The following OR6F1 variants were observed in gnomAD, a reference collection of about 807,000 sequenced individuals.
OR6F1 encodes the protein olfactory receptor family 6 subfamily F member 1, also known as olfactory receptor 6F1.
For missense variants in OR6F1, 346 were observed against 376.0 expected (o/e 0.92, Z 0.66); for synonymous variants, 144 against 150.0 (o/e 0.96, Z 0.29).
chr1:247,712,776 A>C lies in OR6F1; in HGVS notation c.-21T>G, dbSNP rs754691674. ...TCCATTGTGGTACTGAAACCAGAAA[A>C]CAGAGTCCCCGCACTGAGCCCTTTA... On this transcript the variant is annotated 5_prime_UTR_variant, in exon 3 of 3. Transcript: ENST00000641470. The C allele has an allele frequency of 3.3e-6, 5 of 1,498,122 alleles. No individual in the cohort carries two copies. In the Admixed American group the frequency reaches 8.5e-5, roughly 25 times the overall value. The allele number at this position is 1,498,122 out of a possible 1,614,324, so 92.8% of individuals were successfully genotyped here.
chr1:247,713,253 C>A (rs144652160), intron 2 of OR6F1, among the ~76,000 whole-genome samples: 2 of 151,960 alleles, frequency 1.3e-5, no homozygotes, highest in African/African-American at 2.4e-5. Context: ...TAGTCACATA[C>A]GTATTTAGCA....
chr1:247,712,682 A>G lies in OR6F1; in HGVS notation c.74T>C (p.Leu25Pro). The G allele has an allele frequency of 6.2e-7, 1 of 1,612,680 alleles. No individual in the cohort carries two copies. The highest frequency in any genetic ancestry group is 8.5e-7 in the Non-Finnish European group (1 of 1,179,816). Residue 25 changes from leucine (L) to proline (P), a missense_variant, in exon 3 of 3, where the codon CTC becomes CCC. By Grantham distance (98) the Leu-to-Pro change is moderately conservative. Coordinates refer to ENST00000641470, the MANE Select transcript of OR6F1 (RefSeq NM_001005286.2). ...LGFPGSQTLQ[L>P]SLFMLFLVMY... ...CACCAGAAAAAGCATAAAGAGAGAG[A>G]GCTGAAGAGTTTGAGAACCAGGAAA...
Position 247,716,420 on chromosome 1 carries a change from T to C in OR6F1, c.-216A>G, listed in dbSNP as rs566174422. 1 of 152,344 alleles carries C rather than the reference T, an allele frequency of 6.6e-6. No homozygotes were observed. The highest frequency in any genetic ancestry group is 2.1e-4 in the South Asian group (1 of 4,828). 9.4% of individuals were successfully genotyped at this position (152,344 alleles called of 1,614,324 possible). A position where few individuals can be genotyped will look rare whatever the true frequency, so the allele number is the denominator to read the frequency against. On this transcript the variant is annotated 5_prime_UTR_variant, in exon 1 of 3. Coordinates refer to ENST00000641470, the MANE Select transcript of OR6F1 (RefSeq NM_001005286.2). ...TTTTTATTCCATGATTTTCTTTATT[T>C]AAAAATAATATATTTTGATTGCAAT... is the stretch of plus-strand genomic sequence containing the variant.
At chr1:247,716,174 A>T (rs1239557718) in intron 1 of OR6F1, among the ~76,000 whole-genome samples, 157 bp downstream of exon 1, 1 of 151,962 alleles carries the variant, frequency 6.6e-6, no homozygotes, top group Non-Finnish European at 1.5e-5. Flanking sequence ...AATCATCTGA[A>T]CCCAGGAGGC....
At chr1:247,714,825 A>G (rs901919066) in intron 1 of OR6F1, among the ~76,000 whole-genome samples, 1 of 152,222 alleles carries the variant, frequency 6.6e-6, no homozygotes, top group African/African-American at 2.4e-5. Context: ...CTTAAAGCTA[A>G]TATATTCCAA....
intron 1 of OR6F1, among the ~76,000 whole-genome samples, chr1:247,715,079 A>T (rs1660082661): frequency 6.6e-6 from 1 of 152,234 alleles, no homozygotes; most frequent in Admixed American, 6.5e-5. Flanking sequence ...TTGTTTCACA[A>T]ATGAGAAAAC....
At position 247,711,966 on chromosome 1, in the gene OR6F1, T is replaced by C; in HGVS notation, c.790A>G (p.Ile264Val). 6.2e-7 allele frequency: 1 copy of C among 1,614,100 alleles called. No individual in the cohort carries two copies. Among genetic ancestry groups the C allele is most frequent in the Non-Finnish European group, 8.5e-7 (1 of 1,179,952 alleles). ...TTGATCAGATCCAAGGCATCTTTGA[T>C]AGAGGTGCGGACGTGAAGGAAAACT... ...STVFLHVRTS[I>V]KDALDLIKAV... is the part of the protein sequence containing the mutation. Residue 264 changes from isoleucine (I) to valine (V), a missense_variant, in exon 3 of 3, where the codon ATC becomes GTC. By Grantham distance (29) the Ile-to-Val change is conservative. Transcript: ENST00000641470.
rs1202513426 is a variant in OR6F1, at chr1:247,711,968, G to C, written c.788C>G (p.Ser263Cys). The change falls in exon 3 of 3, where the codon TCT becomes TGT. Residue 263 changes from serine to cysteine, a missense_variant. Ser to Cys is a moderately radical substitution (Grantham distance 112). Transcript: ENST00000641470. ...GATCAGATCCAAGGCATCTTTGATA[G>C]AGGTGCGGACGTGAAGGAAAACTGT... is the stretch of plus-strand genomic sequence containing the variant. Reference protein sequence around the residue: ...GSTVFLHVRTSIKDALDLIKA... With the variant: ...GSTVFLHVRTCIKDALDLIKA... 1.9e-6 allele frequency: 3 copies of C among 1,614,126 alleles called. No individual in the cohort carries two copies. The South Asian group carries it at 3.3e-5, about 18-fold the overall frequency.
chr1:247,715,506 C>T (rs561247805), intron 1 of OR6F1, among the ~76,000 whole-genome samples: 77 of 152,270 alleles, frequency 5.1e-4, no homozygotes, highest in African/African-American at 1.8e-3. Context: ...CTAATATTTA[C>T]GTGAAGCACA....
chr1:247,712,720 A>G lies in OR6F1; in HGVS notation c.36T>C (p.Phe12=). Residue 12 remains phenylalanine, a synonymous_variant, in exon 3 of 3, where the codon TTT becomes TTC. Coordinates refer to ENST00000641470, the MANE Select transcript of OR6F1 (RefSeq NM_001005286.2). ...GAGAACCAGGAAAGCCCAGTAAGAGAAAGTCCTGGGGCAGAGTTTTGTTGC... is the reference window on the plus strand; with the variant it reads ...GAGAACCAGGAAAGCCCAGTAAGAGGAAGTCCTGGGGCAGAGTTTTGTTGC... ...DTGNKTLPQD[F]LLLGFPGSQT... is the part of the protein sequence containing the mutation. The G allele has an allele frequency of 6.2e-7, 1 of 1,606,880 alleles. No individual in the cohort carries two copies.
rs759094045 is a variant in OR6F1, at chr1:247,712,241, CG to C, written c.514del (p.Arg172ValfsTer24). The C allele has an allele frequency of 1.2e-6, 2 of 1,614,042 alleles. No individual in the cohort carries two copies. The highest frequency in any genetic ancestry group is 1.7e-6 in the Non-Finnish European group (2 of 1,180,034). ...LISGLSFCGP[R>X]AINHFFCDIA... ...GTCACAGAAGAAGTGGTTGATGGCA[CG>C]GGGGCCACAGAAGGACAGGCCACTG... is the stretch of plus-strand genomic sequence containing the variant. On this transcript the variant is annotated frameshift_variant, in exon 3 of 3. Coordinates refer to ENST00000641470, the MANE Select transcript of OR6F1 (RefSeq NM_001005286.2). LOFTEE classifies it low-confidence loss of function (END_TRUNC).
At position 247,712,642 on chromosome 1, in the gene OR6F1, T is replaced by C. The variant is rs1189463190; in HGVS notation, c.114A>G (p.Thr38=). The C allele has an allele frequency of 6.2e-7, 1 of 1,613,358 alleles. No homozygotes were observed. Among genetic ancestry groups the C allele is most frequent in the East Asian group, 2.2e-5 (1 of 44,864 alleles). The change falls in exon 3 of 3, where the codon ACA becomes ACG. Residue 38 remains threonine (T), a synonymous_variant. Transcript: ENST00000641470. The part of the protein sequence containing the change: ...FMLFLVMYIL[T]VSGNVAILML... ...TCAAGATAGCCACATTACCACTAAC[T>C]GTGAGGATGTACATCACCAGAAAAA...
intron 2 of OR6F1, 43 bp downstream of exon 2, chr1:247,713,848 T>C (rs1022412871): frequency 1.5e-5 from 6 of 398,386 alleles, no homozygotes; most frequent in South Asian, 1.3e-4. Context: ...ATTTAGACTA[T>C]AAAATGGGTC....
chr1:247,715,773 T>C (rs1660094667), intron 1 of OR6F1, among the ~76,000 whole-genome samples: 2 of 152,222 alleles, frequency 1.3e-5, no homozygotes, highest in Non-Finnish European at 2.9e-5. Context: ...TGAGTATAAG[T>C]AATTTTAATT....
In OR6F1 at chr1:247,711,544, A is replaced by C. The variant is rs2103187767; in HGVS notation, c.*285T>G. ...CAAGAATTTAGAGCTGATATACCAAAGCACTCTTTTTATTGCAGATGTCTC... is the reference window on the plus strand; with the variant it reads ...CAAGAATTTAGAGCTGATATACCAACGCACTCTTTTTATTGCAGATGTCTC... On this transcript the variant is annotated 3_prime_UTR_variant, in exon 3 of 3. Transcript: ENST00000641470. 4.1e-6 allele frequency: 1 copy of C among 246,014 alleles called. No individual in the cohort carries two copies. Among genetic ancestry groups the C allele is most frequent in the African/African-American group, 2.2e-5 (1 of 44,870 alleles). 15.2% of individuals were successfully genotyped at this position (246,014 alleles called of 1,614,324 possible).
intron 2 of OR6F1, 57 bp downstream of exon 2, chr1:247,713,834 G>A: frequency 2.5e-6 from 1 of 398,312 alleles, no homozygotes; most frequent in Non-Finnish European, 4.4e-6. Flanking sequence ...CTGTCGCTAA[G>A]GGCATTTAGA....
Position 247,712,306 on chromosome 1 carries a change from C to T in OR6F1, c.450G>A (p.Val150=), listed in dbSNP as rs6587382. Residue 150 remains valine, a synonymous_variant, in exon 3 of 3, where the codon GTG becomes GTA. Coordinates refer to ENST00000641470, the MANE Select transcript of OR6F1 (RefSeq NM_001005286.2). ...LSAQLALGSW[V]CGFVAIAVPT... ...GCACTGCAATGGCCACGAAACCACA[C>T]ACCCAGGAGCCCAGGGCCAGCTGCG... The T allele has an allele frequency of 1.2e-6, 2 of 1,613,982 alleles. No homozygotes were observed. Among genetic ancestry groups the T allele is most frequent in the South Asian group, 1.1e-5 (1 of 91,080 alleles).
chr1:247,712,307 A>G lies in OR6F1; in HGVS notation c.449T>C (p.Val150Ala), dbSNP rs768776296. 1.2e-6 allele frequency: 2 copies of G among 1,614,170 alleles called. No homozygotes were observed. The highest frequency in any genetic ancestry group is 1.1e-5 in the South Asian group (1 of 91,090). The change falls in exon 3 of 3, where the codon GTG becomes GCG. Residue 150 changes from valine to alanine, a missense_variant. Val to Ala is a moderately conservative substitution (Grantham distance 64). Coordinates refer to ENST00000641470, the MANE Select transcript of OR6F1 (RefSeq NM_001005286.2). Reference protein sequence around the residue: ...LSAQLALGSWVCGFVAIAVPT... With the variant: ...LSAQLALGSWACGFVAIAVPT... ...CACTGCAATGGCCACGAAACCACAC[A>G]CCCAGGAGCCCAGGGCCAGCTGCGC...
At chr1:247,714,552 C>T (rs1401058840) in intron 1 of OR6F1, among the ~76,000 whole-genome samples, 5 of 152,168 alleles carry the variant, frequency 3.3e-5, no homozygotes, top group African/African-American at 7.2e-5. Context: ...GTATGTGCAA[C>T]GCACTTGTCA....
Sources: gnomAD v4.1 joint callset for allele counts (sites outside exome capture counted in the v4.1 genomes callset) on GRCh38, gnomAD v4.1.1 for gene constraint, MANE v1.5 for transcripts, NCBI Gene and HGNC (gene_info 2026-07-23, HGNC 2026-07-21) for gene names.